The following ADGRF5 variants were observed in gnomAD, a reference collection of about 807,000 sequenced individuals.
ADGRF5 encodes the protein adhesion G protein-coupled receptor F5.
ADGRF5 carries 75 observed loss-of-function variants against 132.3 expected under a neutral mutation model. The observed-to-expected ratio is 0.57, with a 90% CI of 0.47 to 0.69. The LOEUF (loss-of-function observed/expected upper bound fraction) is 0.69. ADGRF5 is among the 30% of genes least tolerant of loss of function. ADGRF5 has a pLI of 0.00. For synonymous variants in ADGRF5, 629 were observed against 597.6 expected (o/e 1.05, Z -0.77); for missense variants, 1,516 against 1,630.6 (o/e 0.93, Z 1.21).
rs185192572 is a variant in ADGRF5, at chr6:46,895,131, C to T, written c.157+4898G>A. Among the ~76,000 whole-genome samples the T allele has an allele frequency of 8.7e-3, 1,321 of 151,994 alleles. 20 individuals carry two copies. The highest frequency in any genetic ancestry group is 0.029 in the African/African-American group (1,197 of 41,472). ...GGCGGAGGTTGCAGTGAGCCGAGAT[C>T]GCACCACTGCACTCCAGCCTGAGTG... On this transcript the variant is annotated intron_variant, in intron 3 of 20. Transcript: ENST00000283296.
chr6:46,867,463 C>G lies in ADGRF5; in HGVS notation c.1622-326G>C, dbSNP rs142944387. Among the ~76,000 whole-genome samples, 36 of 152,282 alleles carry G rather than the reference C, an allele frequency of 2.4e-4. No homozygotes were observed. In the East Asian group the frequency reaches 5.4e-3, roughly 23 times the overall value. ...TTCTACTCTAAGGCTTTTCTACCAACCCAAGGAATAAATGGGAGTTTTGCC... is the reference window on the plus strand; with the variant it reads ...TTCTACTCTAAGGCTTTTCTACCAAGCCAAGGAATAAATGGGAGTTTTGCC... On this transcript the variant is annotated intron_variant, in intron 12 of 20. Transcript: ENST00000283296.
chr6:46,867,010 A>T lies in ADGRF5; in HGVS notation c.1749T>A (p.Ser583Arg), dbSNP rs1334137172. 6.2e-7 allele frequency: 1 copy of T among 1,613,704 alleles called. No homozygotes were observed. The highest frequency in any genetic ancestry group is 8.5e-7 in the Non-Finnish European group (1 of 1,179,702). Residue 583 changes from serine to arginine, a missense_variant, in exon 13 of 21, where the codon AGT (serine) becomes AGA (arginine). By Grantham distance (110) the Ser-to-Arg change is moderately radical. This residue lies in a region of ADGRF5 where 945 missense variants were observed against 929.4 expected (regional missense o/e 1.02). Transcript: ENST00000283296. Reference sequence around the variant, plus strand: ...TGCAGCACTTGATGTGATGGGAACCACTGCATGAAACAGTAGCTTCCAAAG... The same window carrying T: ...TGCAGCACTTGATGTGATGGGAACCTCTGCATGAAACAGTAGCTTCCAAAG... Reference protein sequence around the residue: ...VDPLEATVSCSGSHHIKCCIE... With the variant: ...VDPLEATVSCRGSHHIKCCIE...
chr6:46,877,345 C>A (rs1408963200), intron 10 of ADGRF5, among the ~76,000 whole-genome samples: 2 of 20,864 alleles, frequency 9.6e-5, no homozygotes, highest in East Asian at 1.0e-3. Flanking sequence ...TTCTTTCTTT[C>A]TTTCTTTCTT....
chr6:46,920,105 C>G (rs1218730715), intron 1 of ADGRF5, among the ~76,000 whole-genome samples: 1 of 152,202 alleles, frequency 6.6e-6, no homozygotes. Context: ...ATCTATCAAT[C>G]TAGCTATTAT....
At chr6:46,854,401 G>A (rs929823252) in intron 20 of ADGRF5, among the ~76,000 whole-genome samples, 6 of 152,220 alleles carry the variant, frequency 3.9e-5, no homozygotes, top group African/African-American at 1.4e-4. Context: ...ATCTGCATGA[G>A]GGAATCTCCC....
chr6:46,888,288 T>C (rs1246984951), intron 4 of ADGRF5, 47 bp downstream of exon 4: 2 of 1,383,202 alleles, frequency 1.4e-6, no homozygotes, highest in Non-Finnish European at 2.1e-6. Context: ...ACAGTCTGTC[T>C]CAAGACATCC....
In ADGRF5 at chr6:46,854,694, G is replaced by C. The variant is rs1215038861; in HGVS notation, c.3962-623C>G. 3.2e-6 allele frequency: 4 copies of C among 1,263,616 alleles called. No individual in the cohort carries two copies. The South Asian group carries it at 5.0e-5, about 16-fold the overall frequency. 78.3% of individuals were successfully genotyped at this position (1,263,616 alleles called of 1,614,324 possible). A position where few individuals can be genotyped will look rare whatever the true frequency, so the allele number is the denominator to read the frequency against. ...AGAGAGTGTGTGTCGGGCAAGAAAA[G>C]GGTTGAAGTGCCCACCCTACCATCA... On this transcript the variant is annotated intron_variant, in intron 20 of 20. Coordinates refer to ENST00000283296, the MANE Select transcript of ADGRF5 (RefSeq NM_001098518.2).
intron 1 of ADGRF5, among the ~76,000 whole-genome samples, chr6:46,930,052 C>T (rs1777480637): frequency 6.6e-6 from 1 of 152,018 alleles, no homozygotes; most frequent in Non-Finnish European, 1.5e-5. Flanking sequence ...AACTCCTGAC[C>T]TCAGGTGATC....
chr6:46,932,495 A>T (rs963892950), intron 1 of ADGRF5, among the ~76,000 whole-genome samples: 4 of 152,192 alleles, frequency 2.6e-5, no homozygotes, highest in African/African-American at 9.6e-5. Context: ...GTATATCCAC[A>T]CAAGGGTTTT....
chr6:46,869,098 A>G lies in ADGRF5; in HGVS notation c.1412-6T>C, dbSNP rs1401957748. ...CGGGGTTATTGTTAGATTGGCTGAA[A>G]AAAAGGCAAACAAAACAGACAAAAG... is the stretch of plus-strand genomic sequence containing the variant. On this transcript the variant is annotated splice_region_variant and splice_polypyrimidine_tract_variant and intron_variant, in intron 11 of 20. Coordinates refer to ENST00000283296, the MANE Select transcript of ADGRF5 (RefSeq NM_001098518.2). 2.5e-6 allele frequency: 4 copies of G among 1,612,836 alleles called. No individual in the cohort carries two copies. The highest frequency in any genetic ancestry group is 2.5e-6 in the Non-Finnish European group (3 of 1,179,046).
chr6:46,914,056 A>G (rs1477417344), intron 1 of ADGRF5, among the ~76,000 whole-genome samples: 1 of 152,212 alleles, frequency 6.6e-6, no homozygotes, highest in Non-Finnish European at 1.5e-5. Context: ...CTGAAAATAG[A>G]TGAGCACATA....
intron 10 of ADGRF5, among the ~76,000 whole-genome samples, chr6:46,874,242 C>A (rs931216646): frequency 6.6e-6 from 1 of 152,162 alleles, no homozygotes; most frequent in African/African-American, 2.4e-5. Context: ...TCTTCTATAG[C>A]TCTCTCTGAA....
chr6:46,947,533 G>A lies in ADGRF5; in HGVS notation c.-25+7201C>T, dbSNP rs188878857. Among the ~76,000 whole-genome samples the A allele has an allele frequency of 2.2e-3, 331 of 152,248 alleles. 1 individual carries two copies. The highest frequency in any genetic ancestry group is 7.6e-3 in the African/African-American group (317 of 41,530). ...TTTTGCTCCTTAGATGGCTGGCAGCGTGAATTTTCTGTAATGTAAACGAAG... is the reference window on the plus strand; with the variant it reads ...TTTTGCTCCTTAGATGGCTGGCAGCATGAATTTTCTGTAATGTAAACGAAG... On this transcript the variant is annotated intron_variant, in intron 1 of 20. Transcript: ENST00000265417.
chr6:46,924,289 A>T (rs1008049870), upstream of ADGRF5, among the ~76,000 whole-genome samples: 7 of 152,158 alleles, frequency 4.6e-5, no homozygotes, highest in Non-Finnish European at 1.5e-5. Context: ...GTCTTTTTGA[A>T]GTTACCACAC....
intron 2 of ADGRF5, chr6:46,903,330 G>C (rs1192171335): frequency 6.6e-6 from 1 of 152,218 alleles, no homozygotes; most frequent in Admixed American, 6.5e-5. Flanking sequence ...GTCCCCAGGG[G>C]ACTGTCTGAG....
chr6:46,859,844 A>ATTTTATTTTG (rs1176172111), intron 16 of ADGRF5, among the ~76,000 whole-genome samples: 1 of 151,810 alleles, frequency 6.6e-6, no homozygotes, highest in African/African-American at 2.4e-5. Flanking sequence ...ATTTTATTTT[A>ATTTTATTTTG]TTTTAAATCT....
upstream of ADGRF5, among the ~76,000 whole-genome samples, chr6:46,926,624 G>A (rs1305368416): frequency 6.6e-6 from 1 of 152,088 alleles, no homozygotes; most frequent in Non-Finnish European, 1.5e-5. Flanking sequence ...TCCACTTTCA[G>A]CTCTTAGAGA....
Position 46,853,231 on chromosome 6 carries a change from C to G in ADGRF5, c.*761G>C, listed in dbSNP as rs1320719683. ...CATACAAAGTTAGTCTCAGGAGGATCATATTTCCTTCCATTCATTTCTTAT... is the reference window on the plus strand; with the variant it reads ...CATACAAAGTTAGTCTCAGGAGGATGATATTTCCTTCCATTCATTTCTTAT... On this transcript the variant is annotated 3_prime_UTR_variant, in exon 21 of 21. Transcript: ENST00000283296. The G allele has an allele frequency of 1.3e-5, 2 of 152,282 alleles. No homozygotes were observed. The highest frequency in any genetic ancestry group is 2.9e-5 in the Non-Finnish European group (2 of 68,004). 9.4% of individuals were successfully genotyped at this position (152,282 alleles called of 1,614,324 possible).
At chr6:46,898,756 G>C (rs1774436778) in intron 3 of ADGRF5, among the ~76,000 whole-genome samples, 1 of 152,148 alleles carries the variant, frequency 6.6e-6, no homozygotes, top group Non-Finnish European at 1.5e-5. Context: ...GCAGCCTACT[G>C]TCTCTTTTAG....
Sources: gnomAD v4.1 joint callset for allele counts (sites outside exome capture counted in the v4.1 genomes callset) on GRCh38, gnomAD v4.1.1 for gene constraint, gnomAD v4.1.1 regional missense constraint, MANE v1.5 for transcripts, NCBI Gene and HGNC (gene_info 2026-07-23, HGNC 2026-07-21) for gene names.